The following EFL1 variants were observed in gnomAD, a reference collection of about 807,000 sequenced individuals.
EFL1 encodes elongation factor like GTPase 1.
In EFL1, 76 loss-of-function variants were observed where a neutral mutation model predicts 126.7. That is an observed-to-expected ratio of 0.60 (90% CI 0.50 to 0.73). EFL1 has a LOEUF of 0.73. Ranked by LOEUF, EFL1 falls within the 30% of genes least tolerant of loss-of-function variation. EFL1 has a pLI of 0.00. For missense variants in EFL1, 1,128 were observed against 1,343.2 expected, an observed-to-expected ratio of 0.84 and a Z score of 2.50; for synonymous variants, 410 against 448.4, an observed-to-expected ratio of 0.91 and a Z score of 1.08.
intron 7 of EFL1, among the ~76,000 whole-genome samples, chr15:82,231,931 C>T (rs1194076595): frequency 3.9e-5 from 6 of 152,196 alleles, no homozygotes; most frequent in Non-Finnish European, 5.9e-5. Flanking sequence ...ATTCAGGCCT[C>T]CTCCTGGCTT....
At chr15:82,153,992 G>C (rs58432693) in intron 17 of EFL1, among the ~76,000 whole-genome samples, 309 of 152,302 alleles carry the variant, frequency 2.0e-3, no homozygotes, top group African/African-American at 7.2e-3. Context: ...AACTACGAGA[G>C]AGAACACATC....
Position 82,140,285 on chromosome 15 carries a change from C to T in EFL1, c.2990-1443G>A, listed in dbSNP as rs555586915. On this transcript the variant is annotated intron_variant, in intron 18 of 19. Transcript: ENST00000268206. ...CTCTCCTGGTTGCTTCAGGAAACTG[C>T]TTCCTTGAAATTTCACAATAATTTT... Among the ~76,000 whole-genome samples, 14 of 152,240 alleles carry T rather than the reference C, an allele frequency of 9.2e-5. No individual in the cohort carries two copies. In the South Asian group the frequency reaches 2.3e-3, roughly 25 times the overall value.
At chr15:82,238,543 C>A (rs764367078) in intron 6 of EFL1, 22 bp from the exon 7 acceptor site, 8 of 1,572,604 alleles carry the variant, frequency 5.1e-6, no homozygotes, top group Non-Finnish European at 7.0e-6. Flanking sequence ...GGTGAAATGG[C>A]AGAGCGTCAT....
At position 82,248,662 on chromosome 15, in the gene EFL1, T is replaced by A. The variant is rs371571736; in HGVS notation, c.244+4029A>T. On this transcript the variant is annotated intron_variant, in intron 4 of 19. Coordinates refer to ENST00000268206, the MANE Select transcript of EFL1 (RefSeq NM_024580.6). ...GACAACCTCACTGCATATGGCTGAC[T>A]CTTGGGTGAATCCCAAGTGTACCAC... 7.2e-5 allele frequency among the ~76,000 whole-genome samples: 11 copies of A among 152,264 alleles called. No homozygotes were observed. The East Asian group carries it at 2.1e-3, about 29-fold the overall frequency.
intron 19 of EFL1, among the ~76,000 whole-genome samples, chr15:82,134,307 G>C (rs887106450): frequency 6.6e-6 from 1 of 151,974 alleles, no homozygotes; most frequent in African/African-American, 2.4e-5. Context: ...TCCAGCTTGT[G>C]CTCTACAGAA....
chr15:82,187,384 A>G (rs755303700), intron 15 of EFL1, among the ~76,000 whole-genome samples: 1 of 152,220 alleles, frequency 6.6e-6, no homozygotes, highest in Non-Finnish European at 1.5e-5. Context: ...ACTTTGCTCT[A>G]AGAGTGACTT....
chr15:82,182,932 G>A (rs1168582655), intron 15 of EFL1, among the ~76,000 whole-genome samples: 1 of 152,194 alleles, frequency 6.6e-6, no homozygotes, highest in African/African-American at 2.4e-5. Flanking sequence ...GAACAATCGT[G>A]AGGAAAATTA....
chr15:82,155,043 T>C (rs2073953063), intron 17 of EFL1, among the ~76,000 whole-genome samples: 1 of 152,254 alleles, frequency 6.6e-6, no homozygotes, highest in South Asian at 2.1e-4. Context: ...AAGTGGCTTC[T>C]TCTGTTCAAC....
At chr15:82,203,658 G>A (rs1483407653) in intron 15 of EFL1, among the ~76,000 whole-genome samples, 1 of 152,190 alleles carries the variant, frequency 6.6e-6, no homozygotes, top group East Asian at 1.9e-4. Context: ...GATTACAGGC[G>A]TGAGCCACCG....
intron 4 of EFL1, among the ~76,000 whole-genome samples, chr15:82,246,157 C>G (rs1384342544): frequency 6.6e-6 from 1 of 152,102 alleles, no homozygotes; most frequent in Admixed American, 6.5e-5. Flanking sequence ...CAGTCCACAT[C>G]TGCCACCCAG....
At chr15:82,252,576 G>A (rs2075032139) in intron 4 of EFL1, 115 bp downstream of exon 4, 10 of 804,462 alleles carry the variant, frequency 1.2e-5, no homozygotes, top group Non-Finnish European at 1.9e-5. Flanking sequence ...GGAGAGGCCA[G>A]AATAAAATAC....
At chr15:82,199,517 CAAAAG>C (rs1258755178) in intron 15 of EFL1, among the ~76,000 whole-genome samples, 3 of 152,218 alleles carry the variant, frequency 2.0e-5, no homozygotes, top group African/African-American at 7.2e-5. Flanking sequence ...GCTACTCCCT[CAAAAG>C]AAACTAGTGC....
At position 82,237,746 on chromosome 15, in the gene EFL1, G is replaced by GAAA. The variant is rs201310269; in HGVS notation, c.731+558_731+560dup. On this transcript the variant is annotated intron_variant, in intron 7 of 19. Coordinates refer to ENST00000268206, the MANE Select transcript of EFL1 (RefSeq NM_024580.6). ...GCTTTACTCATAATGGCCCAAAAAG[G>GAAA]AAAAAAAAAAAAAACACCAGATGTC... Among the ~76,000 whole-genome samples the GAAA allele has an allele frequency of 2.1e-3, 285 of 137,154 alleles. 1 individual carries two copies. Among genetic ancestry groups the GAAA allele is most frequent in the Non-Finnish European group, 2.4e-3 (150 of 63,382 alleles). 90.0% of individuals were successfully genotyped at this position (137,154 alleles called of 152,430 possible). A position where few individuals can be genotyped will look rare whatever the true frequency, so the allele number is the denominator to read the frequency against.
At chr15:82,135,425 TA>T (rs1446626992) in intron 19 of EFL1, among the ~76,000 whole-genome samples, 1 of 152,182 alleles carries the variant, frequency 6.6e-6, no homozygotes, top group Admixed American at 6.5e-5. Flanking sequence ...ATCCGTTCTC[TA>T]CCTTTCTTTG....
intron 15 of EFL1, among the ~76,000 whole-genome samples, chr15:82,212,293 T>C (rs2651687): frequency 1.3e-5 from 2 of 152,260 alleles, no homozygotes; most frequent in Non-Finnish European, 2.9e-5. Context: ...TGGGAATCCA[T>C]AGTCTTCTTA....
chr15:82,236,014 G>T (rs2074869303), intron 7 of EFL1, among the ~76,000 whole-genome samples: 1 of 151,840 alleles, frequency 6.6e-6, no homozygotes, highest in Non-Finnish European at 1.5e-5. Flanking sequence ...AAAATTAATT[G>T]TATTTCTATA....
intron 17 of EFL1, among the ~76,000 whole-genome samples, chr15:82,155,732 C>T (rs1174543): frequency 0.33 from 50,671 of 152,056 alleles, 10,234 homozygotes; most frequent in East Asian, 0.6. Context: ...CACATCTTTG[C>T]CACCACTTGA....
At chr15:82,223,373 A>T (rs2074731330) in intron 12 of EFL1, among the ~76,000 whole-genome samples, 1 of 152,198 alleles carries the variant, frequency 6.6e-6, no homozygotes. Context: ...TGAACCTGAT[A>T]TACTGGTTAA....
chr15:82,229,683 T>A (rs1387452990), intron 8 of EFL1, among the ~76,000 whole-genome samples: 3 of 152,120 alleles, frequency 2.0e-5, no homozygotes, highest in Non-Finnish European at 2.9e-5. Flanking sequence ...ATTAAGAAAT[T>A]AAAAGTCATT....
Sources: allele counts gnomAD v4.1 joint callset (sites outside exome capture counted in the v4.1 genomes callset), GRCh38; gene constraint gnomAD v4.1.1; transcripts MANE v1.5; gene names NCBI Gene and HGNC (gene_info 2026-07-23, HGNC 2026-07-21).